Variants in TSPAN9 observed in about 807,000 individuals in gnomAD.
The protein encoded by TSPAN9 is tetraspanin-9.
TSPAN9 carries 16 observed loss-of-function variants against 31.0 expected under a neutral mutation model. That is an observed-to-expected ratio of 0.52 (90% CI 0.35 to 0.78). The LOEUF is 0.78. Among genes scored for constraint, TSPAN9 ranks in the 30% least tolerant of loss-of-function variants. The probability of loss-of-function intolerance (pLI) is 0.01; values close to 1 mark genes in which losing one functional copy is unlikely to be tolerated. For synonymous variants in TSPAN9, 145 were observed against 121.6 expected (o/e 1.19, Z -1.27); for missense variants, 272 against 312.5 (o/e 0.87, Z 0.98).
intron 3 of TSPAN9, among the ~76,000 whole-genome samples, chr12:3,265,446 T>C (rs1426939557): frequency 1.3e-5 from 2 of 152,190 alleles, no homozygotes; most frequent in Non-Finnish European, 1.5e-5. Flanking sequence ...ATTATTTCCA[T>C]GAGCTCCTGT....
chr12:3,188,222 G>C (rs1366078775), intron 2 of TSPAN9, among the ~76,000 whole-genome samples: 1 of 151,740 alleles, frequency 6.6e-6, no homozygotes, highest in South Asian at 2.1e-4. Flanking sequence ...GGAAACAGAG[G>C]CATGCTCACA....
chr12:3,198,100 C>CGT (rs1480442516), intron 2 of TSPAN9, among the ~76,000 whole-genome samples: 3 of 100,018 alleles, frequency 3.0e-5, no homozygotes, highest in South Asian at 3.2e-4. Context: ...CACAGCTCAC[C>CGT]ACCAGCACAG....
rs557854645 is a variant in TSPAN9, at chr12:3,282,138, G to A, written c.648+321G>A. 29 of 617,438 alleles carry A rather than the reference G, an allele frequency of 4.7e-5. 1 individual carries two copies. The highest frequency in any genetic ancestry group is 4.3e-4 in the Middle Eastern group (1 of 2,324). 38.2% of individuals were successfully genotyped at this position (617,438 alleles called of 1,614,324 possible). On this transcript the variant is annotated intron_variant, in intron 8 of 8. Coordinates refer to ENST00000011898, the MANE Select transcript of TSPAN9 (RefSeq NM_006675.5). Reference sequence around the variant, plus strand: ...TCAGAGAGCCATGCAAGACACACACGGTGTCCCCCGGTCACCATCTTTACA... The same window carrying A: ...TCAGAGAGCCATGCAAGACACACACAGTGTCCCCCGGTCACCATCTTTACA...
At chr12:3,109,238 G>A (rs1302809971) in intron 2 of TSPAN9, among the ~76,000 whole-genome samples, 1 of 147,040 alleles carries the variant, frequency 6.8e-6, no homozygotes, top group African/African-American at 2.6e-5. Context: ...TCCTGGCCAG[G>A]AGGAAGGATT....
intron 3 of TSPAN9, among the ~76,000 whole-genome samples, chr12:3,220,017 T>C (rs2098383502): frequency 6.6e-6 from 1 of 151,946 alleles, no homozygotes; most frequent in African/African-American, 2.4e-5. Context: ...TAGTGGCGCA[T>C]GCTTGTAGTC....
intron 3 of TSPAN9, among the ~76,000 whole-genome samples, chr12:3,210,148 G>GA (rs1467289627): frequency 7.2e-6 from 1 of 138,040 alleles, no homozygotes; most frequent in African/African-American, 2.6e-5. Context: ...AAAAAAAAAA[G>GA]AAAAAAAAGT....
At chr12:3,108,357 C>T (rs528506254) in intron 2 of TSPAN9, among the ~76,000 whole-genome samples, 14 of 152,332 alleles carry the variant, frequency 9.2e-5, no homozygotes, top group South Asian at 2.1e-4. Context: ...TCCAGCCCCC[C>T]GTCCTGTGCA....
intron 2 of TSPAN9, among the ~76,000 whole-genome samples, chr12:3,156,485 T>A (rs547830947): frequency 6.6e-5 from 10 of 151,984 alleles, no homozygotes; most frequent in African/African-American, 2.4e-4. Flanking sequence ...TGGACTTTGC[T>A]TCTTAGAGTT....
At chr12:3,146,053 C>T (rs1300337574) in intron 2 of TSPAN9, among the ~76,000 whole-genome samples, 2 of 152,256 alleles carry the variant, frequency 1.3e-5, no homozygotes, top group East Asian at 3.8e-4. Context: ...GACGCTTTCC[C>T]ACTTTGAGGC....
At chr12:3,120,349 G>A (rs1381507299) in intron 2 of TSPAN9, among the ~76,000 whole-genome samples, 3 of 152,070 alleles carry the variant, frequency 2.0e-5, no homozygotes, top group African/African-American at 7.2e-5. Flanking sequence ...GATTAAACCT[G>A]GCAGGACCTG....
chr12:3,081,844 G>GTGTGTGTGTGTGTATATA (rs57812985), intron 1 of TSPAN9, among the ~76,000 whole-genome samples: 4 of 116,770 alleles, frequency 3.4e-5, no homozygotes, highest in Non-Finnish European at 6.7e-5. Context: ...GTCTGTGTGT[G>GTGTGTGTGTGTGTATATA]TATATATATG....
intron 2 of TSPAN9, among the ~76,000 whole-genome samples, chr12:3,098,861 G>C (rs2098310472): frequency 6.7e-6 from 1 of 149,562 alleles, no homozygotes; most frequent in African/African-American, 2.5e-5. Context: ...AGTGATTCTT[G>C]CTCCTCAACC....
chr12:3,159,024 T>C (rs1332433378), intron 2 of TSPAN9, among the ~76,000 whole-genome samples: 1 of 152,030 alleles, frequency 6.6e-6, no homozygotes, highest in Non-Finnish European at 1.5e-5. Context: ...TTCCAGGGCC[T>C]CCTCAGAGCT....
intron 3 of TSPAN9, 73 bp downstream of exon 3, chr12:3,201,329 T>C: frequency 7.0e-7 from 1 of 1,427,336 alleles, no homozygotes; most frequent in Non-Finnish European, 9.9e-7. Flanking sequence ...GAATACCCTC[T>C]CCCTCTTCTG....
chr12:3,244,313 T>G (rs938660276), intron 3 of TSPAN9, among the ~76,000 whole-genome samples: 2 of 152,132 alleles, frequency 1.3e-5, no homozygotes, highest in African/African-American at 2.4e-5. Flanking sequence ...CCCTTCTTTT[T>G]CTGGACCTCC....
intron 2 of TSPAN9, among the ~76,000 whole-genome samples, chr12:3,174,639 G>A (rs1435408198): frequency 3.3e-5 from 5 of 152,164 alleles, no homozygotes; most frequent in Non-Finnish European, 7.3e-5. Context: ...CTGGAGGGCA[G>A]TGGCGCGATC....
intron 3 of TSPAN9, among the ~76,000 whole-genome samples, chr12:3,248,639 A>ATAT (rs1565631320): frequency 7.8e-6 from 1 of 127,662 alleles, no homozygotes; most frequent in Non-Finnish European, 1.7e-5. Context: ...AATAGATCAT[A>ATAT]TTTTTTTTTT....
intron 3 of TSPAN9, among the ~76,000 whole-genome samples, chr12:3,213,494 G>A (rs904117569): frequency 1.3e-5 from 2 of 152,204 alleles, no homozygotes; most frequent in Non-Finnish European, 2.9e-5. Flanking sequence ...TCAGAGGCCT[G>A]GTTGGGGAGG....
intron 3 of TSPAN9, among the ~76,000 whole-genome samples, chr12:3,209,379 A>G (rs1263273629): frequency 6.6e-6 from 1 of 152,130 alleles, no homozygotes; most frequent in Non-Finnish European, 1.5e-5. Context: ...TCTTCTGGTG[A>G]TGAACATTTG....
Sources: allele counts gnomAD v4.1 joint callset (sites outside exome capture counted in the v4.1 genomes callset), GRCh38; gene constraint gnomAD v4.1.1; transcripts MANE v1.5; gene names NCBI Gene and HGNC (gene_info 2026-07-23, HGNC 2026-07-21).